The following PRMT8 variants were observed in gnomAD, a reference collection of about 807,000 sequenced individuals.
PRMT8 encodes protein arginine N-methyltransferase 8.
Under a neutral mutation model 47.1 loss-of-function variants are expected in PRMT8, and 7 were observed. The observed-to-expected ratio is 0.15, with a 90% CI of 0.08 to 0.28. The LOEUF is 0.28. PRMT8 is among the 10% of genes least tolerant of loss of function. The pLI, the probability that PRMT8 is intolerant of heterozygous loss-of-function variation, is 1.00. For synonymous variants in PRMT8, 188 were observed against 186.5 expected (o/e 1.01, Z -0.07); for missense variants, 237 against 505.4 (o/e 0.47, Z 5.09).
At chr12:3,510,897 C>T (rs531724830) in intron 1 of PRMT8, among the ~76,000 whole-genome samples, 2 of 152,334 alleles carry the variant, frequency 1.3e-5, no homozygotes, top group Admixed American at 6.5e-5. Flanking sequence ...TACACATTCA[C>T]TCCAGTTCCT....
At chr12:3,391,441 A>G (rs1433475098) in intron 1 of PRMT8, among the ~76,000 whole-genome samples, 1 of 152,234 alleles carries the variant, frequency 6.6e-6, no homozygotes, top group Non-Finnish European at 1.5e-5. Context: ...AACAGCCAGC[A>G]CAAATGCCCT....
At chr12:3,529,636 G>A (rs918138122) in intron 1 of PRMT8, among the ~76,000 whole-genome samples, 3 of 152,186 alleles carry the variant, frequency 2.0e-5, no homozygotes, top group Non-Finnish European at 4.4e-5. Context: ...GCTAGAATTA[G>A]GTGGAAGATG....
chr12:3,518,397 C>CTT (rs58146853), intron 1 of PRMT8, among the ~76,000 whole-genome samples: 94,222 of 142,406 alleles, frequency 0.66, 31,263 homozygotes, highest in Non-Finnish European at 0.76. Context: ...GTTAGGAATT[C>CTT]TTTTTTTTTT....
At chr12:3,509,033 C>T (rs1470490992) in intron 1 of PRMT8, among the ~76,000 whole-genome samples, 1 of 152,224 alleles carries the variant, frequency 6.6e-6, no homozygotes, top group Non-Finnish European at 1.5e-5. Flanking sequence ...GTCTCTTCAC[C>T]TCTGGCCTGG....
At chr12:3,425,358 G>A (rs1356374520) in intron 1 of PRMT8, among the ~76,000 whole-genome samples, 1 of 152,234 alleles carries the variant, frequency 6.6e-6, no homozygotes, top group South Asian at 2.1e-4. Flanking sequence ...AAACATGGGG[G>A]CCAACCCTTA....
intron 1 of PRMT8, among the ~76,000 whole-genome samples, chr12:3,406,059 C>A (rs1238110221): frequency 1.3e-5 from 2 of 152,264 alleles, no homozygotes; most frequent in African/African-American, 4.8e-5. Context: ...TTTCTGAAAT[C>A]TAAGCAGAGG....
intron 1 of PRMT8, among the ~76,000 whole-genome samples, chr12:3,417,106 G>A (rs906122096): frequency 6.6e-6 from 1 of 152,200 alleles, no homozygotes; most frequent in Non-Finnish European, 1.5e-5. Flanking sequence ...CCTGAGCAGA[G>A]GCGTGTAATA....
At chr12:3,452,316 AACACAC>A (rs10630697) in intron 1 of PRMT8, among the ~76,000 whole-genome samples, 1 of 150,060 alleles carries the variant, frequency 6.7e-6, no homozygotes, top group Non-Finnish European at 1.5e-5. Context: ...ACCTAAATTA[AACACAC>A]ACACACACAC....
intron 1 of PRMT8, among the ~76,000 whole-genome samples, chr12:3,412,004 G>A (rs923297901): frequency 6.6e-6 from 1 of 152,176 alleles, no homozygotes; most frequent in African/African-American, 2.4e-5. Flanking sequence ...GAAGATACAG[G>A]CATGCATTGT....
intron 1 of PRMT8, among the ~76,000 whole-genome samples, chr12:3,507,626 A>C (rs763999137): frequency 2.6e-5 from 4 of 152,194 alleles, no homozygotes; most frequent in African/African-American, 4.8e-5. Context: ...CTCTATTAAC[A>C]TGCATTAGTT....
At chr12:3,392,603 G>T (rs1864204639) in intron 1 of PRMT8, among the ~76,000 whole-genome samples, 2 of 151,008 alleles carry the variant, frequency 1.3e-5, no homozygotes, top group Non-Finnish European at 3.0e-5. Context: ...TCTTAATCCA[G>T]TCTATCATTG....
At chr12:3,537,529 G>C (rs1206094457) in intron 1 of PRMT8, among the ~76,000 whole-genome samples, 2 of 152,034 alleles carry the variant, frequency 1.3e-5, no homozygotes, top group African/African-American at 4.8e-5. Flanking sequence ...ATGTCTTCTT[G>C]CTAGACATCT....
At chr12:3,434,317 ATAG>A (rs1321903391) in intron 1 of PRMT8, among the ~76,000 whole-genome samples, 1 of 152,164 alleles carries the variant, frequency 6.6e-6, no homozygotes, top group Non-Finnish European at 1.5e-5. Flanking sequence ...GCAAGAAAAG[ATAG>A]TAGGAAAATG....
rs191428484 is a variant in PRMT8 at position 3,481,307 on chromosome 12, G to A, written c.49-59299G>A. On this transcript the variant is annotated intron_variant, in intron 1 of 9. Coordinates refer to the PRMT8 transcript ENST00000452611. The stretch of plus-strand genomic sequence containing the variant: ...GCACTTTTGTCTATGGCTCAAGAGA[G>A]GACAAGTCTGTCTTATTATCCTGTG... Among the ~76,000 whole-genome samples the A allele has an allele frequency of 3.3e-5, 5 of 152,294 alleles. No individual in the cohort carries two copies. The East Asian group carries it at 9.6e-4, about 29-fold the overall frequency.
chr12:3,578,129 T>C (rs1256517869), intron 7 of PRMT8, among the ~76,000 whole-genome samples: 1 of 152,218 alleles, frequency 6.6e-6, no homozygotes, highest in Non-Finnish European at 1.5e-5. Context: ...AAAATTTTTT[T>C]TGAGACAGAA....
At chr12:3,473,515 TC>T (rs1435694666) in intron 1 of PRMT8, among the ~76,000 whole-genome samples, 2 of 152,102 alleles carry the variant, frequency 1.3e-5, no homozygotes, top group Admixed American at 6.5e-5. Flanking sequence ...TCTCTGCAGT[TC>T]CCAATCAATA....
chr12:3,439,270 T>C (rs564542035), intron 1 of PRMT8, among the ~76,000 whole-genome samples: 1 of 152,280 alleles, frequency 6.6e-6, no homozygotes, highest in East Asian at 1.9e-4. Context: ...ATTCATTGGC[T>C]CCCTCCACCC....
rs142693164 is a variant in PRMT8, at chr12:3,589,681, G to A, written c.980-2550G>A. On this transcript the variant is annotated intron_variant, in intron 8 of 9. Coordinates refer to ENST00000382622, the MANE Select transcript of PRMT8 (RefSeq NM_019854.5). Reference sequence around the variant, plus strand: ...CTCCATGGCTAATGGGCCCATCATGGAAACGAGATGTTTATGGATGTTCTT... The same window carrying A: ...CTCCATGGCTAATGGGCCCATCATGAAAACGAGATGTTTATGGATGTTCTT... 5.6e-3 allele frequency among the ~76,000 whole-genome samples: 849 copies of A among 152,324 alleles called. 11 individuals are homozygous for A. Among genetic ancestry groups the A allele is most frequent in the African/African-American group, 0.02 (819 of 41,564 alleles).
chr12:3,397,625 A>T (rs1260883013), intron 1 of PRMT8, among the ~76,000 whole-genome samples: 3 of 152,062 alleles, frequency 2.0e-5, no homozygotes, highest in South Asian at 2.1e-4. Context: ...GCTGTCAGAC[A>T]GGGACATTTA....
Sources: gnomAD v4.1 joint callset for allele counts (sites outside exome capture counted in the v4.1 genomes callset) on GRCh38, gnomAD v4.1.1 for gene constraint, MANE v1.5 for transcripts, NCBI Gene and HGNC (gene_info 2026-07-23, HGNC 2026-07-21) for gene names.